NUP107: variants seen among roughly 807,000 people sequenced by gnomAD.
The protein encoded by NUP107 is nucleoporin 107.
Under a neutral mutation model 141.0 loss-of-function variants are expected in NUP107, and 101 were observed. That is an observed-to-expected ratio of 0.72 (90% CI 0.61 to 0.84). The LOEUF (loss-of-function observed/expected upper bound fraction) is 0.84, where lower values mean the gene tolerates loss of function less well. NUP107 is among the 40% of genes least tolerant of loss of function. The pLI is 0.00. For synonymous variants in NUP107, 319 were observed against 363.9 expected (o/e 0.88, Z 1.41); for missense variants, 941 against 1,102.7 (o/e 0.85, Z 2.08).
In NUP107 at chr12:68,715,155, G is replaced by C. The variant is rs528527929; in HGVS notation, c.970-472G>C. 1.4e-4 allele frequency among the ~76,000 whole-genome samples: 21 copies of C among 152,316 alleles called. 1 individual carries two copies. The South Asian group carries it at 4.4e-3, about 32-fold the overall frequency. On this transcript the variant is annotated intron_variant, in intron 11 of 27. Coordinates refer to ENST00000229179, the MANE Select transcript of NUP107 (RefSeq NM_020401.4). ...GACTATGTGGCTATTTGGAACACTTGTAATCTTGTGAGAGCTTCATTCCCT... is the reference window on the plus strand; with the variant it reads ...GACTATGTGGCTATTTGGAACACTTCTAATCTTGTGAGAGCTTCATTCCCT...
intron 25 of NUP107, 42 bp downstream of exon 25, chr12:68,734,875 T>C (rs1296835392): frequency 1.3e-6 from 2 of 1,588,068 alleles, no homozygotes; most frequent in Non-Finnish European, 8.6e-7. Flanking sequence ...CTGCATCTTA[T>C]AAATGTGTGT....
intron 14 of NUP107, among the ~76,000 whole-genome samples, 198 bp downstream of exon 14, chr12:68,719,852 A>G (rs1170460945): frequency 6.6e-6 from 1 of 152,218 alleles, no homozygotes; most frequent in Admixed American, 6.5e-5. Context: ...ATAAGGCAGA[A>G]AAGTAAAGGA....
chr12:68,690,632 T>G lies in NUP107; in HGVS notation c.189T>G (p.Phe63Leu). 6.2e-7 allele frequency: 1 copy of G among 1,614,174 alleles called. No homozygotes were observed. The highest frequency in any genetic ancestry group is 8.5e-7 in the Non-Finnish European group (1 of 1,180,016). The change falls in exon 4 of 28, where the codon TTT becomes TTG. Residue 63 changes from phenylalanine to leucine, a missense_variant and splice_region_variant. By Grantham distance (22) the Phe-to-Leu change is conservative (BLOSUM62 0). Coordinates refer to ENST00000229179, the MANE Select transcript of NUP107 (RefSeq NM_020401.4). ...PRTPSSFRQPFTPTSRSLLRQ... is the reference protein window; with the variant it reads ...PRTPSSFRQPLTPTSRSLLRQ... ...TTTCTACCAACCTTTTGTTTATAGTTACCCCAACAAGCCGAAGCTTACTAA... is the reference window on the plus strand; with the variant it reads ...TTTCTACCAACCTTTTGTTTATAGTGACCCCAACAAGCCGAAGCTTACTAA...
At chr12:68,700,140 G>C (rs1333454810) in intron 6 of NUP107, among the ~76,000 whole-genome samples, 2 of 152,204 alleles carry the variant, frequency 1.3e-5, no homozygotes, top group East Asian at 3.9e-4. Context: ...CTGACCTCAA[G>C]CAATCCACCT....
intron 6 of NUP107, among the ~76,000 whole-genome samples, chr12:68,697,660 A>G (rs1420546779): frequency 1.3e-5 from 2 of 152,124 alleles, no homozygotes; most frequent in Non-Finnish European, 2.9e-5. Flanking sequence ...AAAATGAACA[A>G]TCTAGTTAAA....
At chr12:68,733,730 T>A in intron 24 of NUP107, 118 bp downstream of exon 24, 1 of 974,506 alleles carries the variant, frequency 1.0e-6, no homozygotes, top group Non-Finnish European at 1.5e-6. Flanking sequence ...CTCTTGTGAC[T>A]ATAGTGCTGA....
At chr12:68,691,886 C>A in intron 4 of NUP107, 82 bp from the exon 5 acceptor site, 26 of 1,150,670 alleles carry the variant, frequency 2.3e-5, no homozygotes, top group South Asian at 2.1e-4. Flanking sequence ...TTTTTAGAAA[C>A]CTTATTTGTT....
chr12:68,734,934 C>A, intron 25 of NUP107, 101 bp downstream of exon 25: 1 of 1,288,006 alleles, frequency 7.8e-7, no homozygotes, highest in South Asian at 1.5e-5. Flanking sequence ...TCGATCATAA[C>A]AGGTAATCTC....
At position 68,696,829 on chromosome 12, in the gene NUP107, T is replaced by C. The variant is rs928414090; in HGVS notation, c.459T>C (p.Ser153=). ...EDDPGEAASM[S]MFSDFLQSFL... ...TTTGATGTGTTCTAGCATCCATGAG[T>C]ATGTTTTCTGATTTCCTGCAGTCTT... Residue 153 remains serine, a synonymous_variant, in exon 6 of 28, where the codon AGT becomes AGC. Transcript: ENST00000229179. 5 of 1,587,060 alleles carry C rather than the reference T, an allele frequency of 3.2e-6. No homozygotes were observed. The highest frequency in any genetic ancestry group is 1.7e-5 in the Admixed American group (1 of 58,806).
At chr12:68,712,860 AG>A (rs1416020988) in intron 10 of NUP107, among the ~76,000 whole-genome samples, 1 of 152,100 alleles carries the variant, frequency 6.6e-6, no homozygotes, top group African/African-American at 2.4e-5. Flanking sequence ...ATGAGAAAGA[AG>A]ATTAACCTTG....
chr12:68,742,485 A>T lies in NUP107; in HGVS notation c.*23A>T. ...TAGTTTAATCTTTGTAATCTCACTA[A>T]TTTTCATGATAAATGAAGTTTTTAA... On this transcript the variant is annotated 3_prime_UTR_variant, in exon 28 of 28. Transcript: ENST00000229179. The T allele has an allele frequency of 8.0e-7, 1 of 1,246,712 alleles. No individual in the cohort carries two copies. The highest frequency in any genetic ancestry group is 1.1e-6 in the Non-Finnish European group (1 of 886,926). The allele number at this position is 1,246,712 out of a possible 1,614,324, so 77.2% of individuals were successfully genotyped here. A position where few individuals can be genotyped will look rare whatever the true frequency, so the allele number is the denominator to read the frequency against.
chr12:68,726,438 T>C (rs1476179788), intron 18 of NUP107, 61 bp from the exon 19 acceptor site: 1 of 1,030,864 alleles, frequency 9.7e-7, no homozygotes, highest in Non-Finnish European at 1.5e-6. Flanking sequence ...TTCTTGGTAA[T>C]GTTTATTTTT....
At chr12:68,713,207 C>G (rs1592506389) in intron 10 of NUP107, among the ~76,000 whole-genome samples, 1 of 151,732 alleles carries the variant, frequency 6.6e-6, no homozygotes, top group Middle Eastern at 3.4e-3. Flanking sequence ...ACCCCCATCT[C>G]TACAAAAATA....
chr12:68,689,698 T>TATAG, intron 3 of NUP107, 79 bp downstream of exon 3: 2 of 909,292 alleles, frequency 2.2e-6, no homozygotes, highest in Middle Eastern at 4.4e-4. Flanking sequence ...ACATAATTAG[T>TATAG]ATAGTATTTG....
At chr12:68,695,381 A>G (rs778407664) in intron 5 of NUP107, among the ~76,000 whole-genome samples, 4 of 152,234 alleles carry the variant, frequency 2.6e-5, no homozygotes, top group Non-Finnish European at 5.9e-5. Context: ...ACCTGTTGAT[A>G]GATGAATGGG....
rs149429727 is a variant in NUP107, at chr12:68,709,837, C to T, written c.802-168C>T. On this transcript the variant is annotated intron_variant, in intron 9 of 27. Transcript: ENST00000229179. ...CCAGGAGGCAGAGCTTGCAGTGAGCCGAGATTATGCCACTGCACTCCAGCC... is the reference window on the plus strand; with the variant it reads ...CCAGGAGGCAGAGCTTGCAGTGAGCTGAGATTATGCCACTGCACTCCAGCC... Among the ~76,000 whole-genome samples the T allele has an allele frequency of 4.4e-4, 67 of 151,006 alleles. No individual in the cohort carries two copies. In the East Asian group the frequency reaches 8.6e-3, roughly 19 times the overall value.
chr12:68,732,778 C>A, intron 23 of NUP107, 39 bp downstream of exon 23: 1 of 1,316,246 alleles, frequency 7.6e-7, no homozygotes, highest in Non-Finnish European at 1.1e-6. Flanking sequence ...CTCCTGGGCT[C>A]CATTCTTCTT....
At chr12:68,729,570 A>G (rs1877725324) in intron 20 of NUP107, among the ~76,000 whole-genome samples, 1 of 151,824 alleles carries the variant, frequency 6.6e-6, no homozygotes. Flanking sequence ...CAGCCTCCCA[A>G]GTAGCTGGTA....
At chr12:68,741,181 A>G (rs1230553472) in intron 26 of NUP107, among the ~76,000 whole-genome samples, 4 of 152,014 alleles carry the variant, frequency 2.6e-5, no homozygotes, top group Middle Eastern at 3.2e-3. Flanking sequence ...TTTTTTCTGT[A>G]CTTTTACTGT....
Sources: gnomAD v4.1 joint callset for allele counts (sites outside exome capture counted in the v4.1 genomes callset) on GRCh38, gnomAD v4.1.1 for gene constraint, MANE v1.5 for transcripts, NCBI Gene and HGNC (gene_info 2026-07-23, HGNC 2026-07-21) for gene names.